ITPR2: variants seen among roughly 807,000 people sequenced by gnomAD.
ITPR2 encodes inositol 1,4,5-trisphosphate-gated calcium channel ITPR2.
ITPR2 carries 207 observed loss-of-function variants against 317.1 expected under a neutral mutation model. The observed-to-expected ratio is 0.65, with a 90% CI of 0.58 to 0.73. The LOEUF (loss-of-function observed/expected upper bound fraction) is 0.73, where lower values mean the gene tolerates loss of function less well. Ranked by LOEUF, ITPR2 falls within the 30% of genes least tolerant of loss-of-function variation. The probability of loss-of-function intolerance (pLI) is 0.00; values close to 1 mark genes in which losing one functional copy is unlikely to be tolerated. For missense variants in ITPR2, 2,613 were observed against 3,284.0 expected, an observed-to-expected ratio of 0.80 and a Z score of 4.99; for synonymous variants, 1,156 against 1,149.1, an observed-to-expected ratio of 1.01 and a Z score of -0.12.
At chr12:26,586,738 G>C (rs534837862) in intron 32 of ITPR2, among the ~76,000 whole-genome samples, 4 of 152,104 alleles carry the variant, frequency 2.6e-5, no homozygotes, top group Admixed American at 6.5e-5. Flanking sequence ...ACATACTTGA[G>C]ATCCATCAGT....
chr12:26,495,422 A>T (rs2136874554), intron 37 of ITPR2, 162 bp from the exon 38 acceptor site: 2 of 547,768 alleles, frequency 3.7e-6, no homozygotes, highest in South Asian at 4.9e-5. Context: ...TTACAAATGC[A>T]TCCCAATAAA....
intron 37 of ITPR2, among the ~76,000 whole-genome samples, chr12:26,517,504 A>G (rs1274815561): frequency 6.6e-6 from 1 of 152,158 alleles, no homozygotes; most frequent in Admixed American, 6.5e-5. Context: ...TGAGATAACA[A>G]TTACACCAGT....
intron 9 of ITPR2, among the ~76,000 whole-genome samples, chr12:26,701,322 T>A (rs1164024608): frequency 6.6e-6 from 1 of 152,220 alleles, no homozygotes; most frequent in East Asian, 1.9e-4. Flanking sequence ...TTTTTTACAA[T>A]GAAATGTGTT....
chr12:26,500,556 C>T (rs572229226), intron 37 of ITPR2, among the ~76,000 whole-genome samples: 1 of 152,254 alleles, frequency 6.6e-6, no homozygotes, highest in East Asian at 1.9e-4. Context: ...TTCATGTGAA[C>T]ACATCCCAGA....
chr12:26,706,576 T>C (rs948886280), intron 9 of ITPR2, among the ~76,000 whole-genome samples: 7 of 152,110 alleles, frequency 4.6e-5, no homozygotes, highest in African/African-American at 1.7e-4. Flanking sequence ...CAGCAACCTC[T>C]CTGACCCCCT....
chr12:26,745,766 G>C (rs1258842534), intron 2 of ITPR2, among the ~76,000 whole-genome samples: 1 of 152,150 alleles, frequency 6.6e-6, no homozygotes, highest in Non-Finnish European at 1.5e-5. Context: ...CTAATACAAA[G>C]AGGATTACAC....
At chr12:26,759,309 A>G (rs1477412506) in intron 2 of ITPR2, among the ~76,000 whole-genome samples, 1 of 152,232 alleles carries the variant, frequency 6.6e-6, no homozygotes, top group Non-Finnish European at 1.5e-5. Flanking sequence ...AATTCAAATG[A>G]GTAGGTTTTT....
At chr12:26,567,980 A>ATATATAATATATAT (rs1945032586) in intron 34 of ITPR2, among the ~76,000 whole-genome samples, 1 of 7,596 alleles carries the variant, frequency 1.3e-4, no homozygotes, top group African/African-American at 2.9e-4. Flanking sequence ...TATATATATT[A>ATATATAATATATAT]TATATATATA....
At chr12:26,339,576 C>T (rs1385996657) in intron 56 of ITPR2, 93 bp from the exon 57 acceptor site, 7 of 844,884 alleles carry the variant, frequency 8.3e-6, no homozygotes, top group Middle Eastern at 2.2e-4. Flanking sequence ...TATTCCCCAA[C>T]TACCTACTGT....
At chr12:26,685,304 G>A (rs1948105340) in intron 11 of ITPR2, among the ~76,000 whole-genome samples, 1 of 152,150 alleles carries the variant, frequency 6.6e-6, no homozygotes, top group Non-Finnish European at 1.5e-5. Context: ...AACTAAACTA[G>A]TCAAATTCAG....
intron 37 of ITPR2, among the ~76,000 whole-genome samples, chr12:26,520,539 T>C (rs1943635395): frequency 6.6e-6 from 1 of 152,216 alleles, no homozygotes; most frequent in Non-Finnish European, 1.5e-5. Flanking sequence ...TCTTTGCCAG[T>C]GGTCCCCAAG....
intron 39 of ITPR2, among the ~76,000 whole-genome samples, chr12:26,491,343 C>T (rs1402421513): frequency 1.3e-5 from 2 of 151,534 alleles, no homozygotes; most frequent in South Asian, 4.2e-4. Context: ...ATTAGCCGGG[C>T]GTGGTGGTGG....
intron 48 of ITPR2, among the ~76,000 whole-genome samples, chr12:26,432,163 TA>T (rs1413780647): frequency 3.3e-5 from 5 of 152,182 alleles, no homozygotes; most frequent in African/African-American, 1.2e-4. Flanking sequence ...TAGTCAAAGT[TA>T]GTCAATTTCC....
chr12:26,654,287 A>T (rs1947326875), intron 20 of ITPR2, among the ~76,000 whole-genome samples, 161 bp from the exon 21 acceptor site: 1 of 152,218 alleles, frequency 6.6e-6, no homozygotes, highest in Non-Finnish European at 1.5e-5. Context: ...TGCAAAAGCA[A>T]CCACTTGAAC....
At chr12:26,386,682 A>G (rs111254509) in intron 55 of ITPR2, among the ~76,000 whole-genome samples, 36 of 152,066 alleles carry the variant, frequency 2.4e-4, no homozygotes, top group African/African-American at 8.4e-4. Flanking sequence ...GGTGGGGGGA[A>G]TATCCAATCT....
chr12:26,561,079 G>T (rs953263509), intron 35 of ITPR2, among the ~76,000 whole-genome samples: 1 of 152,090 alleles, frequency 6.6e-6, no homozygotes, highest in Non-Finnish European at 1.5e-5. Flanking sequence ...TCATATGAGC[G>T]GGCCCTAATC....
Position 26,548,138 on chromosome 12 carries a change from T to C in ITPR2, c.5073+2109A>G, listed in dbSNP as rs552257240. 2.0e-5 allele frequency among the ~76,000 whole-genome samples: 3 copies of C among 152,308 alleles called. No individual in the cohort carries two copies. The South Asian group carries it at 6.2e-4, about 32-fold the overall frequency. Reference sequence around the variant, plus strand: ...TCCTAAAAGAGAAGCATGAAGTATTTTGGTAATTCTATTGAGAAAGTAATC... The same window carrying C: ...TCCTAAAAGAGAAGCATGAAGTATTCTGGTAATTCTATTGAGAAAGTAATC... On this transcript the variant is annotated intron_variant, in intron 37 of 56. Transcript: ENST00000381340.
At chr12:26,634,102 G>C (rs1460082943) in intron 21 of ITPR2, among the ~76,000 whole-genome samples, 1 of 152,194 alleles carries the variant, frequency 6.6e-6, no homozygotes. Flanking sequence ...AGATGCCTGT[G>C]GCACGTGGTC....
intron 2 of ITPR2, among the ~76,000 whole-genome samples, chr12:26,728,091 T>C (rs1420404693): frequency 6.6e-6 from 1 of 152,136 alleles, no homozygotes; most frequent in Non-Finnish European, 1.5e-5. Flanking sequence ...GGATGGACTA[T>C]ACCCCATGGA....
Sources: gnomAD v4.1 joint callset for allele counts (sites outside exome capture counted in the v4.1 genomes callset) on GRCh38, gnomAD v4.1.1 for gene constraint, MANE v1.5 for transcripts, NCBI Gene and HGNC (gene_info 2026-07-23, HGNC 2026-07-21) for gene names.